The following SERGEF variants were observed in gnomAD, a reference collection of about 807,000 sequenced individuals.
SERGEF encodes the protein secretion regulating guanine nucleotide exchange factor, also known as secretion-regulating guanine nucleotide exchange factor.
SERGEF carries 51 observed loss-of-function variants against 50.0 expected under a neutral mutation model. That is an observed-to-expected ratio of 1.02 (90% CI 0.81 to 1.29). The LOEUF is 1.29. SERGEF is among the 50% of genes most tolerant of loss of function. SERGEF has a pLI of 0.00. For synonymous variants in SERGEF, 205 were observed against 212.4 expected (o/e 0.97, Z 0.30); for missense variants, 521 against 557.0 (o/e 0.94, Z 0.65).
At chr11:18,010,312 G>A (rs532734460) in intron 1 of SERGEF, 1 of 255,822 alleles carries the variant, frequency 3.9e-6, no homozygotes, top group Non-Finnish European at 7.9e-6. Context: ...GAAGCCCACA[G>A]GGGGCAATAT....
At chr11:17,812,958 C>T (rs531368546) in intron 10 of SERGEF, among the ~76,000 whole-genome samples, 5 of 152,254 alleles carry the variant, frequency 3.3e-5, no homozygotes, top group Non-Finnish European at 5.9e-5. Flanking sequence ...ACCTCCTCTC[C>T]GACATCAGAT....
At chr11:17,843,059 T>G (rs1223343078) in intron 10 of SERGEF, among the ~76,000 whole-genome samples, 1 of 152,202 alleles carries the variant, frequency 6.6e-6, no homozygotes, top group Non-Finnish European at 1.5e-5. Context: ...TTTTGTTACT[T>G]GTCTATCTCC....
chr11:17,933,447 A>G (rs1478676940), intron 9 of SERGEF, among the ~76,000 whole-genome samples: 1 of 152,136 alleles, frequency 6.6e-6, no homozygotes, highest in Non-Finnish European at 1.5e-5. Context: ...AAAGAGCACT[A>G]AACTGGGTAT....
At chr11:17,918,991 T>C (rs1408099949) in intron 9 of SERGEF, among the ~76,000 whole-genome samples, 1 of 152,192 alleles carries the variant, frequency 6.6e-6, no homozygotes, top group Non-Finnish European at 1.5e-5. Flanking sequence ...AAATGCTAGG[T>C]TGAGAGAGCA....
intron 10 of SERGEF, among the ~76,000 whole-genome samples, chr11:17,832,858 G>C (rs1269526705): frequency 1.3e-5 from 2 of 152,176 alleles, no homozygotes; most frequent in Admixed American, 6.5e-5. Context: ...GTATCTGGCG[G>C]AAGAAATTTC....
At chr11:17,802,443 G>A (rs1306380924) in intron 10 of SERGEF, among the ~76,000 whole-genome samples, 1 of 152,166 alleles carries the variant, frequency 6.6e-6, no homozygotes, top group Non-Finnish European at 1.5e-5. Context: ...GGGGGCTAGA[G>A]ACTTTGAGGC....
At chr11:17,800,354 T>C (rs1040908746) in intron 10 of SERGEF, among the ~76,000 whole-genome samples, 1 of 152,200 alleles carries the variant, frequency 6.6e-6, no homozygotes, top group African/African-American at 2.4e-5. Flanking sequence ...TTGTACATTA[T>C]ACGGGTTTGA....
intron 9 of SERGEF, among the ~76,000 whole-genome samples, chr11:17,937,890 A>AT (rs1472835761): frequency 1.3e-5 from 2 of 152,096 alleles, no homozygotes; most frequent in Non-Finnish European, 2.9e-5. Flanking sequence ...TACCCACAGG[A>AT]TATGTTACCC....
At chr11:17,817,910 T>C (rs1156896979) in intron 10 of SERGEF, among the ~76,000 whole-genome samples, 3 of 152,210 alleles carry the variant, frequency 2.0e-5, no homozygotes, top group Non-Finnish European at 4.4e-5. Context: ...ATTTGTCCTC[T>C]GGGTTGAAAG....
At chr11:17,877,778 A>T (rs1442010792) in intron 10 of SERGEF, 1 of 155,582 alleles carries the variant, frequency 6.4e-6, no homozygotes, top group African/African-American at 2.4e-5. Context: ...AGTGCCACTA[A>T]ATACAAGGCA....
chr11:17,795,823 A>T (rs191714182), intron 10 of SERGEF, among the ~76,000 whole-genome samples: 86 of 152,308 alleles, frequency 5.6e-4, no homozygotes, highest in East Asian at 3.9e-3. Context: ...ATGGGAAAAG[A>T]CAGTTATGGG....
chr11:18,007,182 T>C (rs894309026), intron 2 of SERGEF, among the ~76,000 whole-genome samples: 2 of 152,076 alleles, frequency 1.3e-5, no homozygotes, highest in African/African-American at 4.8e-5. Context: ...ATAGTAACAA[T>C]GCATATATAA....
chr11:17,955,048 A>T (rs1852838552), intron 9 of SERGEF, among the ~76,000 whole-genome samples: 1 of 152,246 alleles, frequency 6.6e-6, no homozygotes, highest in African/African-American at 2.4e-5. Context: ...AACTAGGTTC[A>T]GCCACTAGAA....
intron 9 of SERGEF, among the ~76,000 whole-genome samples, chr11:17,958,787 C>A (rs1852929811): frequency 6.6e-6 from 1 of 152,218 alleles, no homozygotes; most frequent in African/African-American, 2.4e-5. Flanking sequence ...TTCTGTCTTA[C>A]AACTGCTTGC....
At chr11:17,947,901 TA>T (rs1302480425) in intron 9 of SERGEF, among the ~76,000 whole-genome samples, 2 of 152,100 alleles carry the variant, frequency 1.3e-5, no homozygotes, top group African/African-American at 4.8e-5. Flanking sequence ...AAACAGGAAC[TA>T]ACATTATTAT....
chr11:17,807,373 A>T (rs1849780775), intron 10 of SERGEF, among the ~76,000 whole-genome samples: 1 of 152,060 alleles, frequency 6.6e-6, no homozygotes, highest in African/African-American at 2.4e-5. Flanking sequence ...CAACAACAAC[A>T]CAACCCATTA....
intron 1 of SERGEF, among the ~76,000 whole-genome samples, chr11:18,008,332 C>G (rs1854126110): frequency 6.6e-6 from 1 of 152,138 alleles, no homozygotes; most frequent in Non-Finnish European, 1.5e-5. Flanking sequence ...GATCTGTAAT[C>G]CCATTAGAAA....
chr11:17,871,566 C>A (rs549589), intron 10 of SERGEF, among the ~76,000 whole-genome samples: 54,368 of 151,458 alleles, frequency 0.36, 10,122 homozygotes, highest in East Asian at 0.52. Flanking sequence ...GGGATGCCTG[C>A]AAATCACTAA....
At chr11:17,825,328 G>A (rs978983717) in intron 10 of SERGEF, among the ~76,000 whole-genome samples, 9 of 152,128 alleles carry the variant, frequency 5.9e-5, no homozygotes, top group East Asian at 3.8e-4. Context: ...GAAAGGAGGC[G>A]TATCCAAATG....
Sources: allele counts gnomAD v4.1 joint callset (sites outside exome capture counted in the v4.1 genomes callset), GRCh38; gene constraint gnomAD v4.1.1; transcripts MANE v1.5; gene names NCBI Gene and HGNC (gene_info 2026-07-23, HGNC 2026-07-21).